Variants in CTNND2 observed in about 807,000 individuals in gnomAD.
CTNND2 encodes catenin delta-2.
A neutral mutation model predicts 144.4 loss-of-function variants in CTNND2; 22 were observed. That is an observed-to-expected ratio of 0.15 (90% CI 0.11 to 0.22). The LOEUF is 0.22. CTNND2 is among the 10% of genes least tolerant of loss of function. The probability of loss-of-function intolerance (pLI) is 1.00; values close to 1 mark genes in which losing one functional copy is unlikely to be tolerated. For synonymous variants in CTNND2, 751 were observed against 695.6 expected, an observed-to-expected ratio of 1.08 and a Z score of -1.25; for missense variants, 1,353 against 1,618.8, an observed-to-expected ratio of 0.84 and a Z score of 2.82.
chr5:11,840,145 G>C (rs1179708173), intron 1 of CTNND2, among the ~76,000 whole-genome samples: 1 of 152,030 alleles, frequency 6.6e-6, no homozygotes. Flanking sequence ...GAGTCAAAGA[G>C]AACTCTAAGC....
chr5:11,097,713 G>A (rs915458926), intron 15 of CTNND2, among the ~76,000 whole-genome samples: 4 of 152,162 alleles, frequency 2.6e-5, no homozygotes, highest in African/African-American at 9.7e-5. Context: ...ATGTCCGTGT[G>A]TATATGTTAA....
chr5:11,235,597 C>T (rs112364650), intron 10 of CTNND2, among the ~76,000 whole-genome samples: 1 of 152,272 alleles, frequency 6.6e-6, no homozygotes, highest in African/African-American at 2.4e-5. Context: ...GGCAGTATCC[C>T]TGATCTCTAC....
rs536292459 is a variant in CTNND2, at chr5:11,672,002, T to C, written c.174+60134A>G. On this transcript the variant is annotated intron_variant, in intron 2 of 21. Coordinates refer to ENST00000304623, the MANE Select transcript of CTNND2 (RefSeq NM_001332.4). ...TTTAGTTGATGTTGGTACTATTCCTTTCTCTTTGTTAGTTTTCCTTCTAAC... is the reference window on the plus strand; with the variant it reads ...TTTAGTTGATGTTGGTACTATTCCTCTCTCTTTGTTAGTTTTCCTTCTAAC... Among the ~76,000 whole-genome samples the C allele has an allele frequency of 3.9e-5, 6 of 152,318 alleles. No individual in the cohort carries two copies. In the East Asian group the frequency reaches 1.2e-3, roughly 29 times the overall value.
chr5:11,172,913 G>A (rs1760076212), intron 11 of CTNND2, among the ~76,000 whole-genome samples: 1 of 152,202 alleles, frequency 6.6e-6, no homozygotes, highest in South Asian at 2.1e-4. Context: ...ACTATACAGT[G>A]GAAGTGAGGA....
intron 3 of CTNND2, among the ~76,000 whole-genome samples, chr5:11,416,435 TA>T (rs1269840297): frequency 6.6e-6 from 1 of 152,196 alleles, no homozygotes; most frequent in Admixed American, 6.5e-5. Flanking sequence ...TAAAATGCAT[TA>T]AAAGTATGAC....
chr5:11,146,934 T>C (rs1757297163), intron 12 of CTNND2, among the ~76,000 whole-genome samples: 1 of 152,206 alleles, frequency 6.6e-6, no homozygotes, highest in African/African-American at 2.4e-5. Flanking sequence ...TCTCTCCAAC[T>C]GGGAAGATTT....
intron 9 of CTNND2, among the ~76,000 whole-genome samples, chr5:11,287,854 C>T (rs1747908380): frequency 1.3e-5 from 2 of 152,128 alleles, no homozygotes; most frequent in Non-Finnish European, 2.9e-5. Context: ...AAAAACTACA[C>T]AAAAATGCTA....
In CTNND2 at chr5:11,437,098, C is replaced by A. The variant is rs115888188; in HGVS notation, c.288-25029G>T. Among the ~76,000 whole-genome samples the A allele has an allele frequency of 8.2e-3, 1,251 of 152,302 alleles. 8 individuals carry two copies. The highest frequency in any genetic ancestry group is 0.013 in the Non-Finnish European group (912 of 68,036). On this transcript the variant is annotated intron_variant, in intron 3 of 21. Transcript: ENST00000304623. ...ATGCTTTTTCGGCATATGCATTTGT[C>A]ACTCAAGGGTAAAATTTACTTAATT...
At chr5:11,589,980 G>A in intron 2 of CTNND2, among the ~76,000 whole-genome samples, 1 of 152,118 alleles carries the variant, frequency 6.6e-6, no homozygotes, top group East Asian at 1.9e-4. Flanking sequence ...ATTTGAAAAG[G>A]GCTGTATTTA....
At chr5:11,646,732 T>A (rs2126523145) in intron 2 of CTNND2, among the ~76,000 whole-genome samples, 1 of 152,342 alleles carries the variant, frequency 6.6e-6, no homozygotes, top group Middle Eastern at 3.4e-3. Context: ...CTTCCCTTCC[T>A]CTCTAAGACC....
chr5:11,602,250 T>A (rs1779831324), intron 2 of CTNND2, among the ~76,000 whole-genome samples: 1 of 152,150 alleles, frequency 6.6e-6, no homozygotes, highest in African/African-American at 2.4e-5. Context: ...AATATAATCA[T>A]AATTAGGAAA....
At chr5:11,546,656 C>T (rs1447902990) in intron 3 of CTNND2, among the ~76,000 whole-genome samples, 1 of 152,074 alleles carries the variant, frequency 6.6e-6, no homozygotes, top group Non-Finnish European at 1.5e-5. Flanking sequence ...TGGAGCCTAG[C>T]AATGAGAATG....
At chr5:11,755,725 T>C (rs979440167) in intron 1 of CTNND2, among the ~76,000 whole-genome samples, 2 of 151,490 alleles carry the variant, frequency 1.3e-5, no homozygotes, top group Admixed American at 1.3e-4. Flanking sequence ...TTTATTCTGC[T>C]GTTAATACTT....
At chr5:11,643,223 T>C (rs532731522) in intron 2 of CTNND2, among the ~76,000 whole-genome samples, 58 of 135,472 alleles carry the variant, frequency 4.3e-4, no homozygotes, top group Non-Finnish European at 6.9e-4. Context: ...TTATTTTTTA[T>C]TTTTGTTTTT....
intron 2 of CTNND2, among the ~76,000 whole-genome samples, chr5:11,698,480 G>C (rs1785244089): frequency 6.6e-6 from 1 of 151,822 alleles, no homozygotes; most frequent in Non-Finnish European, 1.5e-5. Flanking sequence ...GTAGAGACAG[G>C]GTTTCACCAT....
At position 11,736,236 on chromosome 5, in the gene CTNND2, T is replaced by C. The variant is rs542757241; in HGVS notation, c.38-3964A>G. 2.0e-5 allele frequency among the ~76,000 whole-genome samples: 3 copies of C among 152,310 alleles called. No individual in the cohort carries two copies. In the South Asian group the frequency reaches 6.2e-4, roughly 32 times the overall value. Reference sequence around the variant, plus strand: ...AACAGTGACCTGTCATAAAAAAATATGGGATTTAATAGGCACTGAATCAAG... The same window carrying C: ...AACAGTGACCTGTCATAAAAAAATACGGGATTTAATAGGCACTGAATCAAG... On this transcript the variant is annotated intron_variant, in intron 1 of 21. Coordinates refer to ENST00000304623, the MANE Select transcript of CTNND2 (RefSeq NM_001332.4).
chr5:11,302,416 T>C (rs370860750), intron 9 of CTNND2, among the ~76,000 whole-genome samples: 5 of 152,194 alleles, frequency 3.3e-5, no homozygotes, highest in African/African-American at 1.2e-4. Context: ...GTGTCATCTT[T>C]CAACATAGGA....
chr5:11,276,397 A>C (rs549449898), intron 9 of CTNND2, among the ~76,000 whole-genome samples: 206 of 151,986 alleles, frequency 1.4e-3, no homozygotes, highest in African/African-American at 4.6e-3. Context: ...TGAAAACCCA[A>C]CTCTCCTGGT....
At chr5:11,471,672 T>C (rs1003242091) in intron 3 of CTNND2, among the ~76,000 whole-genome samples, 3 of 152,228 alleles carry the variant, frequency 2.0e-5, no homozygotes, top group Non-Finnish European at 2.9e-5. Flanking sequence ...GTTCATTCTA[T>C]AAAGGCCAAA....
Sources: gnomAD v4.1 joint callset for allele counts (sites outside exome capture counted in the v4.1 genomes callset) on GRCh38, gnomAD v4.1.1 for gene constraint, MANE v1.5 for transcripts, NCBI Gene and HGNC (gene_info 2026-07-23, HGNC 2026-07-21) for gene names.